Variants in THSD7B observed in about 807,000 individuals in gnomAD.
The protein encoded by THSD7B is thrombospondin type 1 domain containing 7B, also known as thrombospondin type-1 domain-containing protein 7B.
Under a neutral mutation model 213.6 loss-of-function variants are expected in THSD7B, and 138 were observed. The observed-to-expected ratio is 0.65, with a 90% CI of 0.56 to 0.74. The LOEUF is 0.74. THSD7B is among the 30% of genes least tolerant of loss of function. THSD7B has a pLI of 0.00. For missense variants in THSD7B, 1,931 were observed against 1,991.5 expected (o/e 0.97, Z 0.58); for synonymous variants, 742 against 687.0 (o/e 1.08, Z -1.25).
At chr2:137,165,762 TACACAC>T (rs10582774) in intron 6 of THSD7B, among the ~76,000 whole-genome samples, 4,523 of 149,748 alleles carry the variant, frequency 0.03, 248 homozygotes, top group African/African-American at 0.1. Flanking sequence ...TCTTAAAAAA[TACACAC>T]ACACACACAC....
chr2:137,479,449 T>C, intron 15 of THSD7B: 1 of 384,864 alleles, frequency 2.6e-6, no homozygotes, highest in South Asian at 1.9e-5. Flanking sequence ...CAGACAGGGA[T>C]GGAGTGATCT....
intron 7 of THSD7B, among the ~76,000 whole-genome samples, chr2:137,187,123 G>C (rs1364005720): frequency 6.6e-6 from 1 of 152,140 alleles, no homozygotes; most frequent in Non-Finnish European, 1.5e-5. Context: ...CTTTCACTAG[G>C]AGATGTCATT....
intron 3 of THSD7B, among the ~76,000 whole-genome samples, chr2:137,092,663 C>T (rs1314853243): frequency 6.6e-6 from 1 of 151,966 alleles, no homozygotes. Context: ...TTTTTTGAGA[C>T]TTTGCCCGTC....
At chr2:136,868,211 C>A (rs10496761) in intron 1 of THSD7B, among the ~76,000 whole-genome samples, 9,558 of 152,038 alleles carry the variant, frequency 0.063, 366 homozygotes, top group East Asian at 0.14. Context: ...TGCAAATTTT[C>A]TTGGAATTTA....
chr2:137,353,483 G>A (rs1008901205), intron 12 of THSD7B, among the ~76,000 whole-genome samples: 22 of 152,048 alleles, frequency 1.4e-4, no homozygotes, highest in African/African-American at 5.1e-4. Flanking sequence ...AACCTAAGGT[G>A]TCTCTAAAGC....
chr2:136,898,788 G>T (rs564890154), intron 2 of THSD7B, among the ~76,000 whole-genome samples: 2 of 151,758 alleles, frequency 1.3e-5, no homozygotes, highest in Non-Finnish European at 2.9e-5. Flanking sequence ...GACCACAGGC[G>T]TGCACCACCA....
chr2:136,877,978 T>A lies in THSD7B; in HGVS notation c.-35-4166T>A, dbSNP rs535190186. On this transcript the variant is annotated intron_variant, in intron 1 of 27. Transcript: ENST00000409968. ...GGTACATGTGCACAATGTGCAGGTT[T>A]GTTACATATGTATACATGTGCCATG... is the stretch of plus-strand genomic sequence containing the variant. 2.0e-5 allele frequency among the ~76,000 whole-genome samples: 3 copies of A among 152,252 alleles called. No homozygotes were observed. In the East Asian group the frequency reaches 5.8e-4, roughly 29 times the overall value.
intron 12 of THSD7B, among the ~76,000 whole-genome samples, chr2:137,295,728 C>T (rs550820307): frequency 1.3e-5 from 2 of 152,220 alleles, no homozygotes; most frequent in Admixed American, 6.5e-5. Context: ...CCTGCCTCAT[C>T]CTCCCAAAGT....
At chr2:136,821,740 C>T (rs2104938439) in intron 1 of THSD7B, among the ~76,000 whole-genome samples, 1 of 152,244 alleles carries the variant, frequency 6.6e-6, no homozygotes, top group East Asian at 1.9e-4. Context: ...TTAGTATAGG[C>T]AATGTGTGTG....
At chr2:137,408,249 C>T (rs189560091) in intron 13 of THSD7B, among the ~76,000 whole-genome samples, 1 of 152,218 alleles carries the variant, frequency 6.6e-6, no homozygotes, top group Non-Finnish European at 1.5e-5. Context: ...CTAATAACTT[C>T]TGGTCACCTT....
At chr2:137,530,629 G>C (rs1273660566) in intron 15 of THSD7B, among the ~76,000 whole-genome samples, 1 of 151,938 alleles carries the variant, frequency 6.6e-6, no homozygotes, top group African/African-American at 2.4e-5. Flanking sequence ...ACAACTGCAG[G>C]CAAAATTGGA....
intron 2 of THSD7B, among the ~76,000 whole-genome samples, chr2:136,907,799 G>C (rs1325547062): frequency 6.6e-6 from 1 of 152,146 alleles, no homozygotes; most frequent in Non-Finnish European, 1.5e-5. Flanking sequence ...GTATGTTGCT[G>C]ACCTACAAAG....
chr2:137,536,696 A>T (rs1240683402), intron 15 of THSD7B, among the ~76,000 whole-genome samples: 1 of 151,758 alleles, frequency 6.6e-6, no homozygotes, highest in African/African-American at 2.4e-5. Flanking sequence ...AGACAAAGAA[A>T]AAATGATACA....
chr2:137,253,349 G>A (rs1682231168), intron 10 of THSD7B, among the ~76,000 whole-genome samples: 1 of 152,188 alleles, frequency 6.6e-6, no homozygotes, highest in Non-Finnish European at 1.5e-5. Flanking sequence ...CACCTGAAAT[G>A]CAATACTATG....
intron 1 of THSD7B, among the ~76,000 whole-genome samples, chr2:136,776,574 G>A (rs762231148): frequency 3.3e-4 from 50 of 152,152 alleles, no homozygotes; most frequent in Non-Finnish European, 5.1e-4. Flanking sequence ...GTCCTGGCAT[G>A]TGTCAGTGTG....
chr2:137,095,596 G>A (rs370162366), intron 4 of THSD7B, among the ~76,000 whole-genome samples: 4 of 152,140 alleles, frequency 2.6e-5, no homozygotes, highest in African/African-American at 4.8e-5. Context: ...ACTCAGTTCC[G>A]TTTTCAAATC....
intron 7 of THSD7B, among the ~76,000 whole-genome samples, chr2:137,172,607 A>G (rs1204287179): frequency 1.3e-5 from 2 of 152,150 alleles, no homozygotes; most frequent in Non-Finnish European, 2.9e-5. Context: ...TCTTTGTAAT[A>G]TCCTTTATGA....
chr2:137,070,734 C>G (rs182469263), intron 3 of THSD7B, among the ~76,000 whole-genome samples: 82 of 152,002 alleles, frequency 5.4e-4, no homozygotes, highest in African/African-American at 2.0e-3. Flanking sequence ...CACAACAATC[C>G]CCGGTGTATG....
At chr2:137,417,426 C>A (rs1230167230) in intron 14 of THSD7B, among the ~76,000 whole-genome samples, 1 of 151,634 alleles carries the variant, frequency 6.6e-6, no homozygotes, top group Non-Finnish European at 1.5e-5. Flanking sequence ...TCAAAATTAA[C>A]CATTTTATTT....
Sources: allele counts gnomAD v4.1 joint callset (sites outside exome capture counted in the v4.1 genomes callset), GRCh38; gene constraint gnomAD v4.1.1; transcripts MANE v1.5; gene names NCBI Gene and HGNC (gene_info 2026-07-23, HGNC 2026-07-21).